SLC22A23: variants seen among roughly 807,000 people sequenced by gnomAD.
SLC22A23 encodes ion transporter protein.
A neutral mutation model predicts 61.0 loss-of-function variants in SLC22A23; 26 were observed. That is an observed-to-expected ratio of 0.43 (90% CI 0.31 to 0.59). The LOEUF is 0.59. Ranked by LOEUF, SLC22A23 falls within the 20% of genes least tolerant of loss-of-function variation. SLC22A23 has a pLI of 0.11. For missense variants in SLC22A23, 796 were observed against 934.7 expected (o/e 0.85, Z 1.94); for synonymous variants, 430 against 413.9 (o/e 1.04, Z -0.47).
At position 3,410,101 on chromosome 6, in the gene SLC22A23, G is replaced by A. The variant is rs1769113355; in HGVS notation, c.913+87C>T. 4.1e-6 allele frequency: 6 copies of A among 1,462,474 alleles called. No homozygotes were observed. The highest frequency in any genetic ancestry group is 2.2e-5 in the Admixed American group (1 of 45,136). The allele number at this position is 1,462,474 out of a possible 1,614,324, so 90.6% of individuals were successfully genotyped here. A position where few individuals can be genotyped will look rare whatever the true frequency, so the allele number is the denominator to read the frequency against. On this transcript the variant is annotated intron_variant, in intron 3 of 9. Transcript: ENST00000406686. This position sits in a 1 kb window ranked among gnomAD's most constrained non-coding sequence, Gnocchi z 5.0. ...ACAAAACTGCCAGCCCACACGAGCA[G>A]CATGCACAGTATCTTTCCCAGAACC...
intron 3 of SLC22A23, among the ~76,000 whole-genome samples, chr6:3,371,234 A>G (rs777833214): frequency 6.6e-6 from 1 of 152,266 alleles, no homozygotes. Context: ...AGAAATCTGC[A>G]AACTTTTCCA....
At chr6:3,357,253 A>T (rs1765171647) in intron 3 of SLC22A23, among the ~76,000 whole-genome samples, 1 of 152,176 alleles carries the variant, frequency 6.6e-6, no homozygotes, top group Admixed American at 6.5e-5. Flanking sequence ...GTACACTGTA[A>T]AACTCCCAGT....
At chr6:3,382,483 G>A (rs1008681075) in intron 3 of SLC22A23, among the ~76,000 whole-genome samples, 2 of 152,188 alleles carry the variant, frequency 1.3e-5, no homozygotes, top group African/African-American at 4.8e-5. Context: ...ATCCTTGCCT[G>A]TACTATTAAT....
chr6:3,344,186 T>C (rs909498628), intron 3 of SLC22A23, among the ~76,000 whole-genome samples: 4 of 152,236 alleles, frequency 2.6e-5, no homozygotes, highest in Admixed American at 2.0e-4. Flanking sequence ...ACTTCAAGTG[T>C]TCTATTGGAC....
At chr6:3,443,841 T>C (rs182698976) in intron 1 of SLC22A23, among the ~76,000 whole-genome samples, 209 of 152,240 alleles carry the variant, frequency 1.4e-3, no homozygotes, top group African/African-American at 4.6e-3. Flanking sequence ...AGGGATCACA[T>C]GAGCAAAAGC....
At chr6:3,291,110 G>A (rs1435806055) in intron 5 of SLC22A23, 1 of 152,216 alleles carries the variant, frequency 6.6e-6, no homozygotes, top group Non-Finnish European at 1.5e-5. Flanking sequence ...TTCGACAACA[G>A]TACCACGACA....
Position 3,273,040 on chromosome 6 carries a change from GTTCCGCAGGC to G in SLC22A23, c.*5_*14del, listed in dbSNP as rs750037663. On this transcript the variant is annotated 3_prime_UTR_variant, in exon 10 of 10. Transcript: ENST00000406686. ...GCTGCCCCAGACCCTGGAGCCCCGG[GTTCCGCAGGC>G]CGGGCTACATGGCCTTCATGCCGTT... is the stretch of plus-strand genomic sequence containing the variant. 11 of 1,524,116 alleles carry G rather than the reference GTTCCGCAGGC, an allele frequency of 7.2e-6. No individual in the cohort carries two copies. In the East Asian group the frequency reaches 2.5e-4, roughly 35 times the overall value. The allele number at this position is 1,524,116 out of a possible 1,614,324, so 94.4% of individuals were successfully genotyped here.
At chr6:3,281,233 C>G (rs1020779454) in intron 9 of SLC22A23, among the ~76,000 whole-genome samples, 1 of 152,230 alleles carries the variant, frequency 6.6e-6, no homozygotes, top group Non-Finnish European at 1.5e-5. Context: ...GCAAAGTCAC[C>G]CAACTCCCAA....
chr6:3,415,723 G>A, intron 2 of SLC22A23, 29 bp downstream of exon 2: 16 of 1,473,004 alleles, frequency 1.1e-5, no homozygotes, highest in Non-Finnish European at 1.5e-5. Flanking sequence ...GCCTCCAAAG[G>A]TTCGTGCGGC....
rs11393848 is a variant in SLC22A23 at position 3,274,957 on chromosome 6, CTTTTT to C, written c.1704-1550_1704-1546del. On this transcript the variant is annotated intron_variant, in intron 9 of 9. Transcript: ENST00000406686. Reference sequence around the variant, plus strand: ...TAATCCCTATCAAAATTCCAGGTGACTTTTTTTTTTTTTCAGAAAACAGCCAATTC... The same window carrying C: ...TAATCCCTATCAAAATTCCAGGTGACTTTTTTTTCAGAAAACAGCCAATTC... Among the ~76,000 whole-genome samples the C allele has an allele frequency of 2.3e-3, 332 of 143,436 alleles. 3 individuals carry two copies. Among genetic ancestry groups the C allele is most frequent in the African/African-American group, 7.8e-3 (309 of 39,440 alleles). 94.1% of individuals were successfully genotyped at this position (143,436 alleles called of 152,430 possible). A position where few individuals can be genotyped will look rare whatever the true frequency, so the allele number is the denominator to read the frequency against.
intron 3 of SLC22A23, among the ~76,000 whole-genome samples, chr6:3,348,874 G>T (rs1764599610): frequency 6.6e-6 from 1 of 152,222 alleles, no homozygotes; most frequent in Non-Finnish European, 1.5e-5. Context: ...GGCAGGGAGG[G>T]CTTAGGAATT....
In SLC22A23 at chr6:3,286,146, T is replaced by A. The variant is rs1324016367; in HGVS notation, c.1546+713A>T. Among the ~76,000 whole-genome samples, 4 of 151,510 alleles carry A rather than the reference T, an allele frequency of 2.6e-5. No homozygotes were observed. Among genetic ancestry groups the A allele is most frequent in the African/African-American group, 4.9e-5 (2 of 41,202 alleles). ...TGGAGTCTTGCTCTGTCACCCAGGC[T>A]GGAGTGCAGTGCTGCGATCTCAGCT... On this transcript the variant is annotated intron_variant, in intron 7 of 9. Transcript: ENST00000406686. This position sits in a 1 kb window ranked among gnomAD's most constrained non-coding sequence, Gnocchi z 4.2.
intron 9 of SLC22A23, chr6:3,282,338 C>T (rs1045053986): frequency 1.4e-6 from 1 of 702,108 alleles, no homozygotes; most frequent in Non-Finnish European, 2.6e-6. Context: ...AAGGTAGGGA[C>T]AGGATGAGTT....
chr6:3,359,277 A>T (rs1765295208), intron 3 of SLC22A23, among the ~76,000 whole-genome samples: 1 of 152,086 alleles, frequency 6.6e-6, no homozygotes, highest in Admixed American at 6.6e-5. Flanking sequence ...CAGGCAGATA[A>T]CAGATGCTGC....
chr6:3,284,682 T>C (rs1208275782), intron 8 of SLC22A23, among the ~76,000 whole-genome samples: 3 of 152,132 alleles, frequency 2.0e-5, no homozygotes, highest in Non-Finnish European at 2.9e-5. Flanking sequence ...CAAGCTTACA[T>C]GAGTCAAAGG....
chr6:3,439,316 G>C (rs770899677), intron 1 of SLC22A23: 3 of 452,532 alleles, frequency 6.6e-6, no homozygotes, highest in South Asian at 4.7e-5. Context: ...AGTGTCCAGA[G>C]AACTTCTTTT....
intron 6 of SLC22A23, among the ~76,000 whole-genome samples, chr6:3,288,704 C>G (rs1760284725): frequency 6.6e-6 from 1 of 152,238 alleles, no homozygotes; most frequent in South Asian, 2.1e-4. Context: ...TGTAGAGAAG[C>G]CGTTCAACTC....
chr6:3,394,218 T>A (rs1444939977), intron 3 of SLC22A23, among the ~76,000 whole-genome samples: 1 of 152,148 alleles, frequency 6.6e-6, no homozygotes, highest in Non-Finnish European at 1.5e-5. Context: ...CTCTGGGTGG[T>A]GCATTCTGTA....
intron 4 of SLC22A23, chr6:3,312,038 C>T (rs1236142578): frequency 6.6e-6 from 1 of 152,206 alleles, no homozygotes; most frequent in Admixed American, 6.5e-5. Context: ...AGATGCTGCT[C>T]CTGACAACGC....
Sources: allele counts gnomAD v4.1 joint callset (sites outside exome capture counted in the v4.1 genomes callset), GRCh38; gene constraint gnomAD v4.1.1; non-coding constraint Gnocchi (gnomAD v3.1); transcripts MANE v1.5; gene names NCBI Gene and HGNC (gene_info 2026-07-23, HGNC 2026-07-21).